PIP5K1B: variants seen among roughly 807,000 people sequenced by gnomAD.
The protein encoded by PIP5K1B is phosphatidylinositol-4-phosphate 5-kinase type 1 beta, also known as phosphatidylinositol 4-phosphate 5-kinase type-1 beta.
A neutral mutation model predicts 67.0 loss-of-function variants in PIP5K1B; 42 were observed. The observed-to-expected ratio is 0.63, with a 90% CI of 0.49 to 0.81. The LOEUF is 0.81. Ranked by LOEUF, PIP5K1B falls within the 30% of genes least tolerant of loss-of-function variation. The probability of loss-of-function intolerance (pLI) is 0.00; values close to 1 mark genes in which losing one functional copy is unlikely to be tolerated. For synonymous variants in PIP5K1B, 214 were observed against 231.4 expected, an observed-to-expected ratio of 0.92 and a Z score of 0.68; for missense variants, 459 against 646.3, an observed-to-expected ratio of 0.71 and a Z score of 3.14.
At chr9:68,987,510 C>T (rs1271442186) in intron 14 of PIP5K1B, among the ~76,000 whole-genome samples, 1 of 152,078 alleles carries the variant, frequency 6.6e-6, no homozygotes, top group Non-Finnish European at 1.5e-5. Context: ...TGCAGTGAGC[C>T]AAGATCATGC....
At chr9:68,779,788 C>T (rs1398842725) in intron 2 of PIP5K1B, among the ~76,000 whole-genome samples, 2 of 152,260 alleles carry the variant, frequency 1.3e-5, no homozygotes, top group East Asian at 3.8e-4. Flanking sequence ...CGCCACTCCA[C>T]GTCATACAGC....
chr9:68,986,596 TA>T (rs973789244), intron 14 of PIP5K1B, among the ~76,000 whole-genome samples: 1 of 152,034 alleles, frequency 6.6e-6, no homozygotes, highest in Non-Finnish European at 1.5e-5. Flanking sequence ...AACAACGTTT[TA>T]AAAAAAAGAA....
At chr9:68,774,094 A>C (rs1438161897) in intron 2 of PIP5K1B, among the ~76,000 whole-genome samples, 1 of 152,154 alleles carries the variant, frequency 6.6e-6, no homozygotes, top group East Asian at 1.9e-4. Flanking sequence ...CAAAGCTTGC[A>C]GTTGAGAAAA....
At position 68,879,264 on chromosome 9, in the gene PIP5K1B, G is replaced by A. The variant is rs527563675; in HGVS notation, c.318+2470G>A. 3.9e-5 allele frequency among the ~76,000 whole-genome samples: 6 copies of A among 152,252 alleles called. No homozygotes were observed. The South Asian group carries it at 1.2e-3, about 32-fold the overall frequency. ...AATAGTATCTGAGGAGTTGGTCAAAGCATACAAAATGTGAATTAGACAGCC... is the reference window on the plus strand; with the variant it reads ...AATAGTATCTGAGGAGTTGGTCAAAACATACAAAATGTGAATTAGACAGCC... On this transcript the variant is annotated intron_variant, in intron 6 of 15. Transcript: ENST00000265382.
intron 5 of PIP5K1B, among the ~76,000 whole-genome samples, chr9:68,866,874 AGGTGCAGATGGTAGGATTTTGGTG>A (rs1433057965): frequency 1.3e-5 from 2 of 152,194 alleles, no homozygotes; most frequent in Non-Finnish European, 2.9e-5. Flanking sequence ...CCAGGGAAAA[AGGTGCAGATGGTAGGATTTTGGTG>A]GGTACTCGAA....
chr9:68,972,939 A>C (rs1436742544), intron 14 of PIP5K1B, among the ~76,000 whole-genome samples: 1 of 152,222 alleles, frequency 6.6e-6, no homozygotes, highest in Non-Finnish European at 1.5e-5. Context: ...ATGAGCAAGG[A>C]CATCTAATAG....
At chr9:68,874,904 T>C (rs1823800886) in intron 5 of PIP5K1B, among the ~76,000 whole-genome samples, 1 of 152,222 alleles carries the variant, frequency 6.6e-6, no homozygotes. Flanking sequence ...TTTGAGCCTC[T>C]TTGCTTTTAC....
chr9:68,791,097 A>G (rs1364249169), intron 2 of PIP5K1B, among the ~76,000 whole-genome samples: 1 of 152,204 alleles, frequency 6.6e-6, no homozygotes, highest in Non-Finnish European at 1.5e-5. Context: ...GGTCCCCCAA[A>G]CCAAACTAAC....
chr9:68,931,137 C>T (rs1000085579), intron 12 of PIP5K1B, among the ~76,000 whole-genome samples: 7 of 151,942 alleles, frequency 4.6e-5, no homozygotes, highest in Admixed American at 2.0e-4. Context: ...GTCATGCTGC[C>T]GGTGTAATAA....
intron 8 of PIP5K1B, among the ~76,000 whole-genome samples, chr9:68,915,587 T>C (rs549333963): frequency 6.6e-6 from 1 of 152,216 alleles, no homozygotes; most frequent in East Asian, 1.9e-4. Flanking sequence ...ATTGGATCAG[T>C]GGTAAGAAGG....
intron 2 of PIP5K1B, among the ~76,000 whole-genome samples, chr9:68,755,331 A>T (rs1829871081): frequency 6.6e-6 from 1 of 152,236 alleles, no homozygotes; most frequent in South Asian, 2.1e-4. Flanking sequence ...AAGCACATTT[A>T]TGAGTATACC....
intron 2 of PIP5K1B, among the ~76,000 whole-genome samples, chr9:68,803,744 T>G (rs1295008387): frequency 1.3e-5 from 2 of 152,210 alleles, no homozygotes; most frequent in African/African-American, 4.8e-5. Flanking sequence ...CCTTCCTAAA[T>G]AAAGCTATGA....
At chr9:68,707,400 T>G (rs1486732538) in intron 1 of PIP5K1B, among the ~76,000 whole-genome samples, 1 of 152,190 alleles carries the variant, frequency 6.6e-6, no homozygotes, top group Non-Finnish European at 1.5e-5. Flanking sequence ...TTTTACCATG[T>G]AAACACAGAA....
chr9:68,767,332 G>A (rs763671135), intron 2 of PIP5K1B, among the ~76,000 whole-genome samples: 79 of 152,236 alleles, frequency 5.2e-4, no homozygotes, highest in Non-Finnish European at 2.2e-4. Context: ...TGTGGCTCAC[G>A]CCTGTAATCC....
intron 2 of PIP5K1B, among the ~76,000 whole-genome samples, chr9:68,754,997 C>T (rs1426546676): frequency 2.6e-5 from 4 of 152,144 alleles, no homozygotes; most frequent in Admixed American, 2.0e-4. Flanking sequence ...AAACAGTGAC[C>T]AATTGATCAA....
chr9:68,929,163 TAAAA>T (rs60505568), intron 12 of PIP5K1B, among the ~76,000 whole-genome samples: 4 of 101,470 alleles, frequency 3.9e-5, no homozygotes, highest in Admixed American at 1.0e-4. Context: ...AGACTCTATC[TAAAA>T]AAAAAAAAAA....
At chr9:68,738,458 T>C (rs990820118) in intron 1 of PIP5K1B, among the ~76,000 whole-genome samples, 2 of 152,200 alleles carry the variant, frequency 1.3e-5, no homozygotes, top group Non-Finnish European at 2.9e-5. Flanking sequence ...AAAGAATTGC[T>C]GGACTGAGAG....
At chr9:68,914,419 C>A (rs1408177932) in intron 8 of PIP5K1B, among the ~76,000 whole-genome samples, 1 of 152,070 alleles carries the variant, frequency 6.6e-6, no homozygotes, top group African/African-American at 2.4e-5. Flanking sequence ...GTGTTTTTGC[C>A]AATTGAAAAT....
intron 15 of PIP5K1B, among the ~76,000 whole-genome samples, chr9:68,998,778 T>G (rs1475598141): frequency 6.6e-6 from 1 of 152,198 alleles, no homozygotes; most frequent in Non-Finnish European, 1.5e-5. Flanking sequence ...CCATTTCCCC[T>G]TCTGGGCTCT....
Sources: allele counts gnomAD v4.1 joint callset (sites outside exome capture counted in the v4.1 genomes callset), GRCh38; gene constraint gnomAD v4.1.1; transcripts MANE v1.5; gene names NCBI Gene and HGNC (gene_info 2026-07-23, HGNC 2026-07-21).